Variants in DRP2 observed in about 807,000 individuals in gnomAD.
The protein encoded by DRP2 is dystrophin-related protein 2.
A neutral mutation model predicts 78.2 loss-of-function variants in DRP2; 29 were observed. The observed-to-expected ratio is 0.37, with a 90% CI of 0.28 to 0.51. DRP2 has a LOEUF of 0.51. Among genes scored for constraint, DRP2 ranks in the 20% least tolerant of loss-of-function variants. The pLI, the probability that DRP2 is intolerant of heterozygous loss-of-function variation, is 0.94. For synonymous variants in DRP2, 290 were observed against 281.9 expected (o/e 1.03, Z -0.29); for missense variants, 686 against 770.6 (o/e 0.89, Z 1.30).
chrX:101,251,199 G>T (rs769343798), intron 16 of DRP2, 116 bp downstream of exon 16: 1 of 694,094 alleles, frequency 1.4e-6, no homozygotes, highest in Non-Finnish European at 2.1e-6. Flanking sequence ...CTAGTCTATT[G>T]TACATTATTA....
rs908481028 is a variant in DRP2, at chrX:101,235,958, A to T, written c.216A>T (p.Gly72=). The T allele has an allele frequency of 5.0e-6, 6 of 1,209,936 alleles. No homozygotes were observed. The Admixed American group carries it at 1.1e-4, about 22-fold the overall frequency. The stretch of plus-strand genomic sequence containing the variant: ...TGAACGGGTCTGTTGGTGCCTCTGG[A>T]CCCCTGGAACCACCAGCCATGAATC... ...KLLNGSVGAS[G]PLEPPAMNLC... is the part of the protein sequence containing the mutation. Residue 72 remains glycine, a synonymous_variant, in exon 4 of 24, where the codon GGA becomes GGT. Coordinates refer to ENST00000395209, the MANE Select transcript of DRP2 (RefSeq NM_001939.3).
At position 101,248,195 on chromosome X, in the gene DRP2, C is replaced by T. The variant is rs149586516; in HGVS notation, c.1359C>T (p.Ala453=). Residue 453 remains alanine, a synonymous_variant, in exon 13 of 24, where the codon GCC becomes GCT. Coordinates refer to ENST00000395209, the MANE Select transcript of DRP2 (RefSeq NM_001939.3). ...DVVEVIHCLT[A]LYERLEEERG... ...TAGAGGTCATTCACTGCCTGACTGCCTTATATGAACGTTTGGAGGAGGAAA... is the reference window on the plus strand; with the variant it reads ...TAGAGGTCATTCACTGCCTGACTGCTTTATATGAACGTTTGGAGGAGGAAA... 1.6e-5 allele frequency: 19 copies of T among 1,209,923 alleles called. 2 individuals are homozygous for T. The African/African-American group carries it at 2.1e-4, about 13-fold the overall frequency.
intron 2 of DRP2, among the ~76,000 whole-genome samples, chrX:101,230,614 C>T (rs778117581): frequency 9.0e-6 from 1 of 111,390 alleles, no homozygotes; most frequent in African/African-American, 3.3e-5. Flanking sequence ...CCATTGTCTA[C>T]AAGATAAAGC....
intron 6 of DRP2, among the ~76,000 whole-genome samples, chrX:101,241,314 C>A (rs1922715986): frequency 9.0e-6 from 1 of 110,636 alleles, no homozygotes; most frequent in Admixed American, 9.6e-5. Flanking sequence ...ACAAAATTGG[C>A]AGATTATGTC....
At chrX:101,255,321 GTA>G in intron 20 of DRP2, 72 bp downstream of exon 20, 1 of 1,065,022 alleles carries the variant, frequency 9.4e-7, no homozygotes, top group South Asian at 1.9e-5. Flanking sequence ...TTTGGGAAGG[GTA>G]TATCCTCCAG....
intron 14 of DRP2, among the ~76,000 whole-genome samples, chrX:101,250,059 C>T (rs1002723225): frequency 3.6e-5 from 4 of 111,330 alleles, no homozygotes; most frequent in African/African-American, 1.3e-4. Context: ...CCCCATCATC[C>T]TGCTTCTGGA....
intron 14 of DRP2, among the ~76,000 whole-genome samples, chrX:101,250,055 C>A (rs757115454): frequency 1.8e-5 from 2 of 111,382 alleles, no homozygotes; most frequent in Non-Finnish European, 3.8e-5. Flanking sequence ...CGTACCCCAT[C>A]ATCCTGCTTC....
intron 4 of DRP2, among the ~76,000 whole-genome samples, chrX:101,236,329 C>G (rs1368980179): frequency 8.9e-6 from 1 of 112,244 alleles, no homozygotes; most frequent in East Asian, 2.8e-4. Context: ...AACTACCTCA[C>G]AGTGTGGTCA....
In DRP2 at chrX:101,251,064, T is replaced by A. The variant is rs775693735; in HGVS notation, c.1846T>A (p.Cys616Ser). ...GACCAAGTGCTCTATCTGTAGGCAG[T>A]GCCCCATCAAGGGGTTCAGGTAGGG... The part of the protein sequence containing the change: ...HQTKCSICRQ[C>S]PIKGFRYRSL... The change falls in exon 16 of 24, where the codon TGC becomes AGC. Residue 616 changes from cysteine to serine, a missense_variant. Coordinates refer to ENST00000395209, the MANE Select transcript of DRP2 (RefSeq NM_001939.3). 2.7e-5 allele frequency: 32 copies of A among 1,207,218 alleles called. No individual in the cohort carries two copies. The highest frequency in any genetic ancestry group is 3.6e-5 in the Non-Finnish European group (32 of 893,841).
At chrX:101,258,589 C>T (rs979049802) in intron 22 of DRP2, 43 bp downstream of exon 22, 1 of 1,100,433 alleles carries the variant, frequency 9.1e-7, no homozygotes, top group African/African-American at 1.8e-5. Context: ...GCCTCTGAGC[C>T]CAGGGGAAGG....
chrX:101,234,840 A>G (rs992983862), intron 3 of DRP2, among the ~76,000 whole-genome samples: 1 of 110,364 alleles, frequency 9.1e-6, no homozygotes, highest in Admixed American at 9.6e-5. Flanking sequence ...GTGGGAAAGA[A>G]GTATGGTTGG....
At chrX:101,248,400 T>A in intron 13 of DRP2, 110 bp downstream of exon 13, 1 of 1,100,906 alleles carries the variant, frequency 9.1e-7, no homozygotes, top group Non-Finnish European at 1.2e-6. Context: ...CAGCTCAGCT[T>A]GGGGCATGGT....
intron 14 of DRP2, among the ~76,000 whole-genome samples, chrX:101,249,370 G>A (rs1032816503): frequency 3.6e-5 from 4 of 112,227 alleles, no homozygotes; most frequent in African/African-American, 9.7e-5. Context: ...GGAAGAGAAC[G>A]TTTCCAAACA....
chrX:101,256,715 ATT>A (rs35411558), intron 21 of DRP2, among the ~76,000 whole-genome samples: 31 of 94,517 alleles, frequency 3.3e-4, no homozygotes, highest in African/African-American at 3.2e-4. Flanking sequence ...TGCCTGGCTA[ATT>A]TTTTTTTTTT....
chrX:101,256,872 T>C (rs1052531600), intron 21 of DRP2, among the ~76,000 whole-genome samples: 5 of 107,511 alleles, frequency 4.7e-5, no homozygotes, highest in Admixed American at 3.1e-4. Context: ...ATCCTTTTAA[T>C]GTAACCCAAA....
At chrX:101,225,785 A>G (rs921419896) in intron 2 of DRP2, among the ~76,000 whole-genome samples, 4 of 111,691 alleles carry the variant, frequency 3.6e-5, no homozygotes, top group Non-Finnish European at 5.6e-5. Flanking sequence ...TTTAGTAAAA[A>G]ATTTTATCTC....
At chrX:101,246,723 TAAGGAATTGCTTCCTGA>T (rs1922947263) in intron 11 of DRP2, among the ~76,000 whole-genome samples, 1 of 112,543 alleles carries the variant, frequency 8.9e-6, no homozygotes, top group Non-Finnish European at 1.9e-5. Context: ...TGCAATCTAG[TAAGGAATTGCTTCCTGA>T]AATGTTTGAT....
intron 10 of DRP2, 54 bp from the exon 11 acceptor site, chrX:101,245,334 G>A: frequency 9.2e-7 from 1 of 1,086,239 alleles, no homozygotes; most frequent in South Asian, 2.0e-5. Flanking sequence ...ACATCTGAGT[G>A]TGGGGGTGGG....
At chrX:101,254,741 T>C (rs1465429708) in intron 18 of DRP2, 118 bp from the exon 19 acceptor site, 15 of 1,073,455 alleles carry the variant, frequency 1.4e-5, no homozygotes, top group Non-Finnish European at 1.9e-5. Flanking sequence ...TGGAATCCAG[T>C]CTTTGTATTT....
Sources: allele counts gnomAD v4.1 joint callset (sites outside exome capture counted in the v4.1 genomes callset), GRCh38; gene constraint gnomAD v4.1.1; transcripts MANE v1.5; gene names NCBI Gene and HGNC (gene_info 2026-07-23, HGNC 2026-07-21).